Variants in KRTAP5-11 observed in about 807,000 individuals in gnomAD.
KRTAP5-11 encodes the protein keratin associated protein 5-11, also known as keratin-associated protein 5-11.
For missense variants in KRTAP5-11, 202 were observed against 188.7 expected (o/e 1.07, Z -0.41); for synonymous variants, 88 against 73.0 (o/e 1.21, Z -1.05).
At position 71,582,821 on chromosome 11, in the gene KRTAP5-11, C is replaced by G. The variant is rs758641717; in HGVS notation, c.17G>C (p.Cys6Ser). The G allele has an allele frequency of 3.7e-6, 6 of 1,613,786 alleles. No individual in the cohort carries two copies. The highest frequency in any genetic ancestry group is 4.2e-6 in the Non-Finnish European group (5 of 1,179,906). ...ACAGCCAGAGCCACAGCCTCCAGAA[C>G]AGCCACAGCAGCCCATGATTCTGGC... is the stretch of plus-strand genomic sequence containing the variant. MGCCGCSGGCGSGCGG... is the reference protein window; with the variant it reads MGCCGSSGGCGSGCGG... Residue 6 changes from cysteine (C) to serine (S), a missense_variant, in exon 1 of 1, where the codon TGT becomes TCT. Physicochemically the swap from Cys to Ser is moderately radical, Grantham distance 112. Coordinates refer to ENST00000398530, the MANE Select transcript of KRTAP5-11 (RefSeq NM_001005405.3).
rs1360701414 is a variant in KRTAP5-11 at position 71,582,194 on chromosome 11, G to T, written c.*173C>A. ...AAACACATGTTTCCGGAGTGAGGAA[G>T]CTGAAGGCAGGGCCTAGAGGAGAGC... On this transcript the variant is annotated 3_prime_UTR_variant, in exon 1 of 1. Coordinates refer to ENST00000398530, the MANE Select transcript of KRTAP5-11 (RefSeq NM_001005405.3). The T allele has an allele frequency of 5.8e-6, 8 of 1,372,826 alleles. No individual in the cohort carries two copies. Among genetic ancestry groups the T allele is most frequent in the African/African-American group, 2.9e-5 (2 of 68,746 alleles). The allele number at this position is 1,372,826 out of a possible 1,614,324, so 85.0% of individuals were successfully genotyped here.
rs539851970 is a variant in KRTAP5-11 at position 71,582,081 on chromosome 11, A to T, written c.*286T>A. The stretch of plus-strand genomic sequence containing the variant: ...CTTGTGGGGTCAGACCTAGCATCTC[A>T]GTCAGCCCAGGGAGAAGAAGAAGAT... On this transcript the variant is annotated 3_prime_UTR_variant, in exon 1 of 1. Transcript: ENST00000398530. 1.7e-5 allele frequency: 10 copies of T among 581,136 alleles called. No homozygotes were observed. Among genetic ancestry groups the T allele is most frequent in the African/African-American group, 3.8e-5 (2 of 53,214 alleles). The allele number at this position is 581,136 out of a possible 1,614,324, so 36.0% of individuals were successfully genotyped here. A position where few individuals can be genotyped will look rare whatever the true frequency, so the allele number is the denominator to read the frequency against.
Position 71,582,577 on chromosome 11 carries a change from G to T in KRTAP5-11, c.261C>A (p.Cys87Ter). ...CGSCGCSQSN[C>*]CKPCCSSSGC... ...CTGAGGAGGAGCAGCAGGGCTTACAGCAGTTGGACTGGGAGCAGCCACAAG... is the reference window on the plus strand; with the variant it reads ...CTGAGGAGGAGCAGCAGGGCTTACATCAGTTGGACTGGGAGCAGCCACAAG... Residue 87 changes from cysteine (C) to a stop codon, truncating the protein, a stop_gained, in exon 1 of 1, where the codon TGC (cysteine) becomes TGA (stop). Coordinates refer to ENST00000398530, the MANE Select transcript of KRTAP5-11 (RefSeq NM_001005405.3). LOFTEE classifies it low-confidence loss of function (END_TRUNC). The T allele has an allele frequency of 1.2e-6, 2 of 1,613,868 alleles. No individual in the cohort carries two copies. Among genetic ancestry groups the T allele is most frequent in the Admixed American group, 3.3e-5 (2 of 60,002 alleles).
Position 71,582,596 on chromosome 11 carries a change from C to T in KRTAP5-11, c.242G>A (p.Gly81Asp). ...GSSKGGCGSC[G>D]CSQSNCCKPC... Reference sequence around the variant, plus strand: ...CTTACAGCAGTTGGACTGGGAGCAGCCACAAGAACCACACCCACCCTTGGA... The same window carrying T: ...CTTACAGCAGTTGGACTGGGAGCAGTCACAAGAACCACACCCACCCTTGGA... The change falls in exon 1 of 1, where the codon GGC (glycine) becomes GAC (aspartate). Residue 81 changes from glycine (G) to aspartate (D), a missense_variant. Physicochemically the swap from Gly to Asp is moderately conservative, Grantham distance 94. Coordinates refer to ENST00000398530, the MANE Select transcript of KRTAP5-11 (RefSeq NM_001005405.3). 6.2e-7 allele frequency: 1 copy of T among 1,614,064 alleles called. No individual in the cohort carries two copies. Among genetic ancestry groups the T allele is most frequent in the Non-Finnish European group, 8.5e-7 (1 of 1,179,978 alleles).
rs1950275920 is a variant in KRTAP5-11 at position 71,582,620 on chromosome 11, G to A, written c.218C>T (p.Ser73Phe). The A allele has an allele frequency of 1.2e-6, 2 of 1,613,996 alleles. No individual in the cohort carries two copies. Among genetic ancestry groups the A allele is most frequent in the East Asian group, 2.2e-5 (1 of 44,886 alleles). The change falls in exon 1 of 1, where the codon TCC (serine) becomes TTC (phenylalanine). Residue 73 changes from serine to phenylalanine, a missense_variant. Coordinates refer to ENST00000398530, the MANE Select transcript of KRTAP5-11 (RefSeq NM_001005405.3). The stretch of plus-strand genomic sequence containing the variant: ...GCCACAAGAACCACACCCACCCTTG[G>A]AGCTCCCACAAGAGCCACAGCCCCC... Reference protein sequence around the residue: ...SKGGCGSCGSSKGGCGSCGCS... With the variant: ...SKGGCGSCGSFKGGCGSCGCS...
At position 71,582,245 on chromosome 11, in the gene KRTAP5-11, T is replaced by C; in HGVS notation, c.*122A>G. 1 of 1,570,332 alleles carries C rather than the reference T, an allele frequency of 6.4e-7. No homozygotes were observed. Among genetic ancestry groups the C allele is most frequent in the Non-Finnish European group, 8.6e-7 (1 of 1,156,430 alleles). ...CGAGCCATGGAAAGAGGTGCATGCA[T>C]GGATGATGAGCTAGAGCAGGTGCAG... is the stretch of plus-strand genomic sequence containing the variant. On this transcript the variant is annotated 3_prime_UTR_variant, in exon 1 of 1. Coordinates refer to ENST00000398530, the MANE Select transcript of KRTAP5-11 (RefSeq NM_001005405.3).
Position 71,582,736 on chromosome 11 carries a change from G to A in KRTAP5-11, c.102C>T (p.Ser34=). Residue 34 remains serine, a synonymous_variant, in exon 1 of 1, where the codon AGC becomes AGT. Coordinates refer to ENST00000398530, the MANE Select transcript of KRTAP5-11 (RefSeq NM_001005405.3). The part of the protein sequence containing the change: ...CGSGCGGCGS[S]CCVPICCCKP... ...TGCAGCAGCAAATGGGCACACAGCA[G>A]CTGGAGCCACAGCCCCCACAGCCAG... 1 of 1,611,122 alleles carries A rather than the reference G, an allele frequency of 6.2e-7. No individual in the cohort carries two copies. Among genetic ancestry groups the A allele is most frequent in the South Asian group, 1.1e-5 (1 of 91,010 alleles).
rs1950277456 is a variant in KRTAP5-11, at chr11:71,582,788, C to T, written c.50G>A (p.Cys17Tyr). Reference protein sequence around the residue: ...SGGCGSGCGGCGSGSGGCGSG... With the variant: ...SGGCGSGCGGYGSGSGGCGSG... ...GCCACAGCCCCCACTGCCGGAGCCA[C>T]AGCCCCCACAGCCAGAGCCACAGCC... The change falls in exon 1 of 1, where the codon TGT becomes TAT. Residue 17 changes from cysteine (C) to tyrosine (Y), a missense_variant. Cys to Tyr is a radical substitution (Grantham distance 194, BLOSUM62 -2). Transcript: ENST00000398530. 3.1e-6 allele frequency: 5 copies of T among 1,610,178 alleles called. No individual in the cohort carries two copies. Among genetic ancestry groups the T allele is most frequent in the Non-Finnish European group, 4.2e-6 (5 of 1,177,980 alleles).
Position 71,582,780 on chromosome 11 carries a change from C to A in KRTAP5-11, c.58G>T (p.Gly20Cys), listed in dbSNP as rs201489146. The part of the protein sequence containing the change: ...CGSGCGGCGS[G>C]SGGCGSGCGG... ...CAGCCAGAGCCACAGCCCCCACTGC[C>A]GGAGCCACAGCCCCCACAGCCAGAG... The change falls in exon 1 of 1, where the codon GGC becomes TGC. Residue 20 changes from glycine (G) to cysteine (C), a missense_variant. Gly to Cys is a radical substitution (Grantham distance 159, BLOSUM62 -3). Coordinates refer to ENST00000398530, the MANE Select transcript of KRTAP5-11 (RefSeq NM_001005405.3). 2 of 1,528,622 alleles carry A rather than the reference C, an allele frequency of 1.3e-6. No individual in the cohort carries two copies. Among genetic ancestry groups the A allele is most frequent in the South Asian group, 2.2e-5 (2 of 89,888 alleles). 94.7% of individuals were successfully genotyped at this position (1,528,622 alleles called of 1,614,324 possible).
rs755410419 is a variant in KRTAP5-11, at chr11:71,582,724, G to A, written c.114C>T (p.Pro38=). The part of the protein sequence containing the change: ...CGGCGSSCCV[P]ICCCKPVCCC... ...AGCACACAGGCTTGCAGCAGCAAAT[G>A]GGCACACAGCAGCTGGAGCCACAGC... The change falls in exon 1 of 1, where the codon CCC becomes CCT. Residue 38 remains proline, a synonymous_variant. Transcript: ENST00000398530. 3.8e-5 allele frequency: 62 copies of A among 1,611,790 alleles called. No homozygotes were observed. The highest frequency in any genetic ancestry group is 4.7e-5 in the Non-Finnish European group (55 of 1,179,658).
In KRTAP5-11 at chr11:71,582,487, G is replaced by A. The variant is rs749716220; in HGVS notation, c.351C>T (p.Cys117=). 2.2e-5 allele frequency: 35 copies of A among 1,613,490 alleles called. No individual in the cohort carries two copies. Among genetic ancestry groups the A allele is most frequent in the Non-Finnish European group, 2.6e-5 (31 of 1,179,894 alleles). ...AGCAGGGCTTGCAGCAGCTGGACTG[G>A]CAGCAGCTGGATTGGCAGCAGCAGG... ...SKPCCCQSSC[C]QSSCCKPCCC... Residue 117 remains cysteine, a synonymous_variant, in exon 1 of 1, where the codon TGC becomes TGT. Coordinates refer to ENST00000398530, the MANE Select transcript of KRTAP5-11 (RefSeq NM_001005405.3).
At position 71,582,686 on chromosome 11, in the gene KRTAP5-11, G is replaced by A; in HGVS notation, c.152C>T (p.Ala51Val). 2 of 1,613,610 alleles carry A rather than the reference G, an allele frequency of 1.2e-6. No individual in the cohort carries two copies. The highest frequency in any genetic ancestry group is 2.7e-5 in the African/African-American group (2 of 74,918). The change falls in exon 1 of 1, where the codon GCC (alanine) becomes GTC (valine). Residue 51 changes from alanine (A) to valine (V), a missense_variant. Coordinates refer to ENST00000398530, the MANE Select transcript of KRTAP5-11 (RefSeq NM_001005405.3). ...CCKPVCCCVPACSCSSCGSCG... is the reference protein window; with the variant it reads ...CCKPVCCCVPVCSCSSCGSCG... ...GGAGCCACAGCTGGAGCAGGAACAG[G>A]CTGGCACACAGCAGCACACAGGCTT...
At position 71,582,174 on chromosome 11, in the gene KRTAP5-11, C is replaced by T; in HGVS notation, c.*193G>A. On this transcript the variant is annotated 3_prime_UTR_variant, in exon 1 of 1. Transcript: ENST00000398530. ...GAACACCTCCTGCATCAAGGAAACA[C>T]ATGTTTCCGGAGTGAGGAAGCTGAA... 8.2e-7 allele frequency: 1 copy of T among 1,213,648 alleles called. No individual in the cohort carries two copies. Among genetic ancestry groups the T allele is most frequent in the Non-Finnish European group, 1.1e-6 (1 of 873,444 alleles). The allele number at this position is 1,213,648 out of a possible 1,614,324, so 75.2% of individuals were successfully genotyped here.
rs201930480 is a variant in KRTAP5-11, at chr11:71,582,828, A to C, written c.10T>G (p.Cys4Gly). 6.2e-7 allele frequency: 1 copy of C among 1,613,908 alleles called. No individual in the cohort carries two copies. Among genetic ancestry groups the C allele is most frequent in the Non-Finnish European group, 8.5e-7 (1 of 1,179,952 alleles). MGCCGCSGGCGSGC... is the reference protein window; with the variant it reads MGCGGCSGGCGSGC... Reference sequence around the variant, plus strand: ...GAGCCACAGCCTCCAGAACAGCCACAGCAGCCCATGATTCTGGCGGATTGA... The same window carrying C: ...GAGCCACAGCCTCCAGAACAGCCACCGCAGCCCATGATTCTGGCGGATTGA... Residue 4 changes from cysteine to glycine, a missense_variant, in exon 1 of 1, where the codon TGT becomes GGT. By Grantham distance (159) the Cys-to-Gly change is radical. Transcript: ENST00000398530.
Position 71,582,547 on chromosome 11 carries a change from A to C in KRTAP5-11, c.291T>G (p.Cys97Trp), listed in dbSNP as rs751759384. Reference sequence around the variant, plus strand: ...AGCTGGACTGGCAGCAGAATGACCCACAGCCTGAGGAGGAGCAGCAGGGCT... The same window carrying C: ...AGCTGGACTGGCAGCAGAATGACCCCCAGCCTGAGGAGGAGCAGCAGGGCT... ...CCKPCCSSSG[C>W]GSFCCQSSCS... The change falls in exon 1 of 1, where the codon TGT becomes TGG. Residue 97 changes from cysteine (C) to tryptophan (W), a missense_variant. Physicochemically the swap from Cys to Trp is radical, Grantham distance 215 (BLOSUM62 -2). Coordinates refer to ENST00000398530, the MANE Select transcript of KRTAP5-11 (RefSeq NM_001005405.3). 6.2e-7 allele frequency: 1 copy of C among 1,613,708 alleles called. No individual in the cohort carries two copies. The highest frequency in any genetic ancestry group is 8.5e-7 in the Non-Finnish European group (1 of 1,179,884).
chr11:71,582,195 C>T lies in KRTAP5-11; in HGVS notation c.*172G>A. The T allele has an allele frequency of 7.2e-7, 1 of 1,390,252 alleles. No individual in the cohort carries two copies. Among genetic ancestry groups the T allele is most frequent in the South Asian group, 1.4e-5 (1 of 70,684 alleles). The allele number at this position is 1,390,252 out of a possible 1,614,324, so 86.1% of individuals were successfully genotyped here. On this transcript the variant is annotated 3_prime_UTR_variant, in exon 1 of 1. Coordinates refer to ENST00000398530, the MANE Select transcript of KRTAP5-11 (RefSeq NM_001005405.3). Reference sequence around the variant, plus strand: ...AACACATGTTTCCGGAGTGAGGAAGCTGAAGGCAGGGCCTAGAGGAGAGCC... The same window carrying T: ...AACACATGTTTCCGGAGTGAGGAAGTTGAAGGCAGGGCCTAGAGGAGAGCC...
chr11:71,582,389 A>G lies in KRTAP5-11; in HGVS notation c.449T>C (p.Val150Ala). The G allele has an allele frequency of 6.2e-7, 1 of 1,614,242 alleles. No individual in the cohort carries two copies. The highest frequency in any genetic ancestry group is 1.1e-5 in the South Asian group (1 of 91,086). ...CCCQSSCCVP[V>A]CCQCKI Reference sequence around the variant, plus strand: ...GCCTCAGATCTTACACTGGCAGCACACGGGGACACAGCAGCTGGACTGGCA... The same window carrying G: ...GCCTCAGATCTTACACTGGCAGCACGCGGGGACACAGCAGCTGGACTGGCA... The change falls in exon 1 of 1, where the codon GTG becomes GCG. Residue 150 changes from valine to alanine, a missense_variant. Coordinates refer to ENST00000398530, the MANE Select transcript of KRTAP5-11 (RefSeq NM_001005405.3).
Position 71,582,135 on chromosome 11 carries a change from T to G in KRTAP5-11, c.*232A>C. 1 of 863,936 alleles carries G rather than the reference T, an allele frequency of 1.2e-6. No individual in the cohort carries two copies. 53.5% of individuals were successfully genotyped at this position (863,936 alleles called of 1,614,324 possible). On this transcript the variant is annotated 3_prime_UTR_variant, in exon 1 of 1. Transcript: ENST00000398530. ...CCACACCCAAGTGCAGGGAACACCA[T>G]GGCGTCCAGGGAAGAACACCTCCTG...
rs759364390 is a variant in KRTAP5-11, at chr11:71,582,602, G to C, written c.236C>G (p.Ser79Cys). Reference protein sequence around the residue: ...SCGSSKGGCGSCGCSQSNCCK... With the variant: ...SCGSSKGGCGCCGCSQSNCCK... ...GCAGTTGGACTGGGAGCAGCCACAAGAACCACACCCACCCTTGGAGCTCCC... is the reference window on the plus strand; with the variant it reads ...GCAGTTGGACTGGGAGCAGCCACAACAACCACACCCACCCTTGGAGCTCCC... Residue 79 changes from serine (S) to cysteine (C), a missense_variant, in exon 1 of 1, where the codon TCT becomes TGT. Transcript: ENST00000398530. 1.4e-5 allele frequency: 23 copies of C among 1,613,954 alleles called. No individual in the cohort carries two copies. Among genetic ancestry groups the C allele is most frequent in the African/African-American group, 1.3e-4 (10 of 74,924 alleles).
Sources: allele counts gnomAD v4.1 joint callset, GRCh38; gene constraint gnomAD v4.1.1; transcripts MANE v1.5; gene names NCBI Gene and HGNC (gene_info 2026-07-23, HGNC 2026-07-21).